ZNF219: variants seen among roughly 807,000 people sequenced by gnomAD.
The protein encoded by ZNF219 is zinc finger protein 219.
In ZNF219, 17 loss-of-function variants were observed where a neutral mutation model predicts 54.4. The ratio of observed to expected loss-of-function variants is 0.31; its 90% CI spans 0.21 to 0.47. The LOEUF (loss-of-function observed/expected upper bound fraction) is 0.47. Among genes scored for constraint, ZNF219 ranks in the 20% least tolerant of loss-of-function variants. ZNF219 has a pLI of 1.00. For missense variants in ZNF219, 1,014 were observed against 1,062.3 expected (o/e 0.95, Z 0.63); for synonymous variants, 518 against 476.4 (o/e 1.09, Z -1.14).
upstream of ZNF219, chr14:21,098,833 G>T (rs1477041779): frequency 7.8e-7 from 1 of 1,287,660 alleles, no homozygotes; most frequent in Non-Finnish European, 1.0e-6. Context: ...TGGCTCTGCC[G>T]CTCTTTCTGC....
chr14:21,099,439 GAC>G (rs1193366489), upstream of ZNF219, among the ~76,000 whole-genome samples: 1 of 152,136 alleles, frequency 6.6e-6, no homozygotes, highest in Non-Finnish European at 1.5e-5. Flanking sequence ...AGGAGGAGTA[GAC>G]ACACAGCAGT....
At chr14:21,098,795 CTA>C (rs1566555191), upstream of ZNF219, 2 of 1,286,386 alleles carry the variant, frequency 1.6e-6, no homozygotes, top group African/African-American at 3.0e-5. Context: ...CCCTCCCTCC[CTA>C]AACCCGGACA....
At chr14:21,102,917 T>C, upstream of ZNF219, 6 of 1,390,410 alleles carry the variant, frequency 4.3e-6, no homozygotes, top group South Asian at 8.7e-5. Flanking sequence ...CTGATTGGCT[T>C]TCTCTGGCTT....
chr14:21,102,359 G>T, upstream of ZNF219: 1 of 1,545,564 alleles, frequency 6.5e-7, no homozygotes, highest in South Asian at 1.2e-5. Context: ...ATTGAGGTTG[G>T]AATGACTCCC....
upstream of ZNF219, chr14:21,101,860 C>T (rs1016719252): frequency 5.8e-6 from 9 of 1,551,024 alleles, no homozygotes; most frequent in African/African-American, 1.4e-5. Context: ...TACCCTTACC[C>T]CCAGGTGAGC....
At chr14:21,101,380 C>G (rs1889620321), upstream of ZNF219, 2 of 1,551,544 alleles carry the variant, frequency 1.3e-6, no homozygotes, top group Non-Finnish European at 1.7e-6. Flanking sequence ...GCAGGAGAGA[C>G]ACAGCCTTCG....
In ZNF219 at chr14:21,091,894, C is replaced by T. The variant is rs778572502; in HGVS notation, c.1403G>A (p.Gly468Glu). ...CGTGGCGGTCGATCTTGCCTGGGCC[C>T]CAGCAGCAGAGGCAGAGTGCCCCGG... ...EGPGHSASAA[G>E]AQARSTATQE... The change falls in exon 3 of 5, where the codon GGG becomes GAG. Residue 468 changes from glycine to glutamate, a missense_variant. By Grantham distance (98) the Gly-to-Glu change is moderately conservative. Transcript: ENST00000360947. 3 of 1,580,616 alleles carry T rather than the reference C, an allele frequency of 1.9e-6. No individual in the cohort carries two copies. Among genetic ancestry groups the T allele is most frequent in the South Asian group, 2.3e-5 (2 of 86,272 alleles).
chr14:21,093,860 G>C (rs1889124098), intron 1 of ZNF219, 186 bp from the exon 2 acceptor site: 3 of 585,990 alleles, frequency 5.1e-6, no homozygotes, highest in African/African-American at 3.7e-5. Flanking sequence ...AAGCCTACAA[G>C]CCTCCCAGAT....
chr14:21,102,900 A>C, upstream of ZNF219: 1 of 1,423,188 alleles, frequency 7.0e-7, no homozygotes, highest in Non-Finnish European at 9.3e-7. Flanking sequence ...GAGGTCCTAG[A>C]ATGAAACTGA....
chr14:21,103,609 G>A (rs1889789901), upstream of ZNF219: 1 of 235,542 alleles, frequency 4.2e-6, no homozygotes, highest in South Asian at 5.2e-5. Context: ...CAATTCAGGA[G>A]TGCCCCAGTT....
chr14:21,090,972 G>A lies in ZNF219; in HGVS notation c.1733C>T (p.Ala578Val). Residue 578 changes from alanine to valine, a missense_variant, in exon 5 of 5, where the codon GCC (alanine) becomes GTC (valine). Physicochemically the swap from Ala to Val is moderately conservative, Grantham distance 64. This residue lies in a region of ZNF219 where 281 missense variants were observed against 271.2 expected (regional missense o/e 1.04). Coordinates refer to ENST00000360947, the MANE Select transcript of ZNF219 (RefSeq NM_016423.3). This position sits in a 1 kb window ranked among gnomAD's most constrained non-coding sequence, Gnocchi z 4.4. ...SQRGSAPQSG[A>V]KPSPQPATWV... ...GGTCGCAGGCTGCGGAGACGGCTTG[G>A]CTCCAGATTGCGGGGCCGAACCCCG... 6.4e-7 allele frequency: 1 copy of A among 1,550,782 alleles called. No homozygotes were observed.
upstream of ZNF219, chr14:21,101,282 C>A: frequency 6.8e-7 from 1 of 1,467,286 alleles, no homozygotes; most frequent in Non-Finnish European, 9.3e-7. Context: ...TCCTAATAGA[C>A]AGAACCTATA....
In ZNF219 at chr14:21,098,487, C is replaced by T. The variant is rs1168246381; in HGVS notation, c.-259G>A. ...CCCGGTCCCCCGCCCCCGGCCCTGG[C>T]CCGCATTGTGTGCGGCGGGAGGCGG... is the stretch of plus-strand genomic sequence containing the variant. On this transcript the variant is annotated 5_prime_UTR_variant, in exon 1 of 5. Transcript: ENST00000360947. The T allele has an allele frequency of 7.1e-6, 7 of 981,560 alleles. No individual in the cohort carries two copies. In the African/African-American group the frequency reaches 1.2e-4, roughly 17 times the overall value. The allele number at this position is 981,560 out of a possible 1,614,324, so 60.8% of individuals were successfully genotyped here. A position where few individuals can be genotyped will look rare whatever the true frequency, so the allele number is the denominator to read the frequency against.
At position 21,090,909 on chromosome 14, in the gene ZNF219, C is replaced by T. The variant is rs1888802066; in HGVS notation, c.1796G>A (p.Ser599Asn). Residue 599 changes from serine (S) to asparagine (N), a missense_variant, in exon 5 of 5, where the codon AGC (serine) becomes AAC (asparagine). Ser to Asn is a conservative substitution (Grantham distance 46). Coordinates refer to ENST00000360947, the MANE Select transcript of ZNF219 (RefSeq NM_016423.3). The surrounding 1 kb of genome is among the most constrained non-coding windows in gnomAD (Gnocchi z 4.4). Reference protein sequence around the residue: ...EGASSPRPPSSGAGPGSRRKP... With the variant: ...EGASSPRPPSNGAGPGSRRKP... ...CCGACGGGACCCCGGCCCAGCACCG[C>T]TAGAAGGAGGCCGGGGACTTGAGGC... 1.3e-6 allele frequency: 2 copies of T among 1,550,236 alleles called. No individual in the cohort carries two copies. Among genetic ancestry groups the T allele is most frequent in the African/African-American group, 1.4e-5 (1 of 73,514 alleles).
chr14:21,094,586 A>G, intron 1 of ZNF219: 1 of 367,036 alleles, frequency 2.7e-6, no homozygotes, highest in Non-Finnish European at 5.3e-6. Context: ...GGGCTGGGCC[A>G]TCTGCACAGA....
chr14:21,091,019 C>G lies in ZNF219; in HGVS notation c.1686G>C (p.Pro562=), dbSNP rs1272397419. The change falls in exon 5 of 5, where the codon CCG becomes CCC. Residue 562 remains proline (P), a synonymous_variant. Coordinates refer to ENST00000360947, the MANE Select transcript of ZNF219 (RefSeq NM_016423.3). Reference sequence around the variant, plus strand: ...CCCGCTGGGAAGGAGGCGGTGGCTCCGGGGGTGGCCCGGGGCCGGCCCCGC... The same window carrying G: ...CCCGCTGGGAAGGAGGCGGTGGCTCGGGGGGTGGCCCGGGGCCGGCCCCGC... ...QRSGAGPGPP[P]EPPPPSQRGS... 1 of 1,554,034 alleles carries G rather than the reference C, an allele frequency of 6.4e-7. No individual in the cohort carries two copies. Among genetic ancestry groups the G allele is most frequent in the Non-Finnish European group, 8.6e-7 (1 of 1,156,428 alleles).
At chr14:21,095,800 T>G (rs1050902034) in intron 1 of ZNF219, among the ~76,000 whole-genome samples, 2 of 152,236 alleles carry the variant, frequency 1.3e-5, no homozygotes, top group East Asian at 3.8e-4. Context: ...AGAGGGATTA[T>G]TTTGGCCTTT....
upstream of ZNF219, chr14:21,102,630 C>A (rs1246922916): frequency 6.4e-6 from 10 of 1,551,260 alleles, no homozygotes; most frequent in Admixed American, 3.9e-5. Flanking sequence ...TGTCTACCTG[C>A]AGCATGCTGG....
chr14:21,090,508 C>CACT lies in ZNF219; in HGVS notation c.*25_*27dup, dbSNP rs778855877. ...CTCCCCCGCTCCGGCGGGGTAAGCT[C>CACT]ACTAAGCTAATCGCCCCTGAGGGCC... On this transcript the variant is annotated 3_prime_UTR_variant, in exon 5 of 5. Transcript: ENST00000360947. The surrounding 1 kb of genome is among the most constrained non-coding windows in gnomAD (Gnocchi z 4.4). The CACT allele has an allele frequency of 3.2e-6, 5 of 1,564,890 alleles. No individual in the cohort carries two copies. The highest frequency in any genetic ancestry group is 4.3e-6 in the Non-Finnish European group (5 of 1,153,060).
Sources: allele counts gnomAD v4.1 joint callset (sites outside exome capture counted in the v4.1 genomes callset), GRCh38; gene constraint gnomAD v4.1.1; regional missense constraint gnomAD v4.1.1; non-coding constraint Gnocchi (gnomAD v3.1); transcripts MANE v1.5; gene names NCBI Gene and HGNC (gene_info 2026-07-23, HGNC 2026-07-21).